The following PTPN20 variants were observed in gnomAD, a reference collection of about 807,000 sequenced individuals.
PTPN20 encodes the protein protein tyrosine phosphatase non-receptor type 20.
PTPN20 carries 9 observed loss-of-function variants against 35.0 expected under a neutral mutation model. The ratio of observed to expected loss-of-function variants is 0.26; its 90% CI spans 0.15 to 0.45. The LOEUF (loss-of-function observed/expected upper bound fraction) is 0.45, where lower values mean the gene tolerates loss of function less well. Ranked by LOEUF, PTPN20 falls within the 20% of genes least tolerant of loss-of-function variation. The probability of loss-of-function intolerance (pLI) is 1.00; values close to 1 mark genes in which losing one functional copy is unlikely to be tolerated. For synonymous variants in PTPN20, 32 were observed against 100.2 expected (o/e 0.32, Z 4.06); for missense variants, 111 against 312.5 (o/e 0.36, Z 4.86).
intron 5 of PTPN20, among the ~76,000 whole-genome samples, chr10:46,953,699 C>A (rs1264516566): frequency 7.1e-6 from 1 of 141,688 alleles, no homozygotes; most frequent in Non-Finnish European, 1.5e-5. Context: ...TGTTGATATA[C>A]CGTGAGTTAC....
chr10:46,932,669 G>C (rs1231236034), intron 2 of PTPN20, 136 bp downstream of exon 2: 8 of 1,504,444 alleles, frequency 5.3e-6, no homozygotes, highest in Admixed American at 3.4e-5. Context: ...TTGGTGGGGT[G>C]GGGTGGGGGG....
At chr10:46,998,457 A>G (rs1161485659) in intron 9 of PTPN20, among the ~76,000 whole-genome samples, 2 of 152,208 alleles carry the variant, frequency 1.3e-5, no homozygotes, top group African/African-American at 4.8e-5. Flanking sequence ...GAGAAGGAGA[A>G]CAGATTACTA....
chr10:46,945,610 G>A lies in PTPN20; in HGVS notation c.228-953G>A, dbSNP rs1297411226. Among the ~76,000 whole-genome samples, 4 of 152,220 alleles carry A rather than the reference G, an allele frequency of 2.6e-5. No homozygotes were observed. The South Asian group carries it at 6.2e-4, about 24-fold the overall frequency. ...GATATTGGTGGGCAGGTGTAATTAA[G>A]TTTGTATTTTAGGAAGAATTTTCTC... On this transcript the variant is annotated intron_variant, in intron 4 of 10. Coordinates refer to ENST00000374339, the MANE Select transcript of PTPN20 (RefSeq NM_001042357.5).
Position 47,001,930 on chromosome 10 carries a change from T to G in PTPN20, c.*1189T>G, listed in dbSNP as rs1047801115. On this transcript the variant is annotated 3_prime_UTR_variant, in exon 11 of 11. Transcript: ENST00000374339. ...ATTATAAGCTATAAAACAATAGATA[T>G]GAGTGTTTGTACAGTTTAACTCAAT... 7 of 152,246 alleles carry G rather than the reference T, an allele frequency of 4.6e-5. No homozygotes were observed. Among genetic ancestry groups the G allele is most frequent in the Non-Finnish European group, 8.8e-5 (6 of 67,984 alleles). 9.4% of individuals were successfully genotyped at this position (152,246 alleles called of 1,614,324 possible). A position where few individuals can be genotyped will look rare whatever the true frequency, so the allele number is the denominator to read the frequency against.
intron 10 of PTPN20, 54 bp downstream of exon 10, chr10:47,000,028 T>C (rs2059834101): frequency 6.2e-6 from 10 of 1,606,292 alleles, no homozygotes; most frequent in Non-Finnish European, 8.5e-6. Flanking sequence ...AAGATTAACA[T>C]TGCATAACAC....
chr10:47,001,117 T>C lies in PTPN20; in HGVS notation c.*376T>C, dbSNP rs1041388077. On this transcript the variant is annotated 3_prime_UTR_variant, in exon 11 of 11. Transcript: ENST00000374339. ...GAGAGAGCTGAGGATTTCCAGGACT[T>C]TGTAAGTTCTTATTCTGGGAGAACA... The C allele has an allele frequency of 1.8e-4, 48 of 272,970 alleles. No homozygotes were observed. The highest frequency in any genetic ancestry group is 1.1e-3 in the African/African-American group (47 of 44,502). The allele number at this position is 272,970 out of a possible 1,614,324, so 16.9% of individuals were successfully genotyped here.
chr10:46,999,376 A>G (rs1378072764), intron 9 of PTPN20, among the ~76,000 whole-genome samples: 1 of 152,116 alleles, frequency 6.6e-6, no homozygotes, highest in Non-Finnish European at 1.5e-5. Flanking sequence ...TTGCCATAAG[A>G]GTTTCTGAGC....
intron 7 of PTPN20, among the ~76,000 whole-genome samples, chr10:46,976,220 A>G (rs1479512904): frequency 1.7e-5 from 2 of 120,654 alleles, no homozygotes; most frequent in Non-Finnish European, 3.5e-5. Flanking sequence ...CAGCCTCCCA[A>G]GTAGCTGGAA....
At chr10:46,997,107 A>G (rs1240813102) in intron 9 of PTPN20, among the ~76,000 whole-genome samples, 1 of 152,160 alleles carries the variant, frequency 6.6e-6, no homozygotes, top group East Asian at 1.9e-4. Context: ...ATCCATGAAC[A>G]TGGTAAGTGT....
intron 9 of PTPN20, among the ~76,000 whole-genome samples, chr10:46,994,951 A>G (rs1482086369): frequency 6.6e-6 from 1 of 152,122 alleles, no homozygotes; most frequent in East Asian, 1.9e-4. Context: ...CAGCTCCAAG[A>G]TTTCTATTTG....
chr10:46,994,019 T>A (rs1207673614), intron 9 of PTPN20, among the ~76,000 whole-genome samples: 1 of 152,198 alleles, frequency 6.6e-6, no homozygotes, highest in Admixed American at 6.5e-5. Context: ...ATTTTGTTTA[T>A]CTGAAAAATA....
At chr10:47,003,286 G>A (rs963605210), downstream of PTPN20, among the ~76,000 whole-genome samples, 413 of 129,374 alleles carry the variant, frequency 3.2e-3, 1 homozygote, top group African/African-American at 0.012. Context: ...AAATTTGTAG[G>A]TGAAAAACAG....
In PTPN20 at chr10:46,975,403, ATAG is replaced by A. The variant is rs2053209242; in HGVS notation, c.583+7365_583+7367del. Among the ~76,000 whole-genome samples, 3 of 135,992 alleles carry A rather than the reference ATAG, an allele frequency of 2.2e-5. No individual in the cohort carries two copies. In the South Asian group the frequency reaches 8.2e-4, roughly 37 times the overall value. 89.2% of individuals were successfully genotyped at this position (135,992 alleles called of 152,430 possible). A position where few individuals can be genotyped will look rare whatever the true frequency, so the allele number is the denominator to read the frequency against. On this transcript the variant is annotated intron_variant, in intron 7 of 10. Transcript: ENST00000374339. ...CTGCTACTACCACCCACTAATAATA[ATAG>A]TAGTAGTAACACTAATATGTTTATT...
intron 9 of PTPN20, among the ~76,000 whole-genome samples, chr10:46,998,311 A>G (rs1444760254): frequency 3.3e-5 from 5 of 152,168 alleles, no homozygotes; most frequent in Admixed American, 6.5e-5. Flanking sequence ...GAAGCAAACT[A>G]TTGTTACACC....
chr10:46,977,081 A>T (rs1244690441), intron 7 of PTPN20, among the ~76,000 whole-genome samples: 1 of 152,258 alleles, frequency 6.6e-6, no homozygotes, highest in Non-Finnish European at 1.5e-5. Context: ...TAACATTTAG[A>T]TTAGCAGACT....
At chr10:46,940,423 G>A (rs2043079965) in intron 2 of PTPN20, among the ~76,000 whole-genome samples, 200 bp from the exon 3 acceptor site, 1 of 149,066 alleles carries the variant, frequency 6.7e-6, no homozygotes, top group African/African-American at 2.5e-5. Flanking sequence ...CTAGAAGAAG[G>A]ATCAGCTTTG....
intron 2 of PTPN20, among the ~76,000 whole-genome samples, chr10:46,937,617 G>A (rs1384110463): frequency 4.0e-5 from 6 of 150,232 alleles, no homozygotes; most frequent in Non-Finnish European, 7.4e-5. Context: ...TGCCTTATCT[G>A]CTGTTAATTT....
At chr10:46,998,008 T>C (rs2059446590) in intron 9 of PTPN20, among the ~76,000 whole-genome samples, 3 of 152,166 alleles carry the variant, frequency 2.0e-5, no homozygotes, top group East Asian at 1.9e-4. Context: ...GTATGAGACA[T>C]TGGGAATGTA....
At chr10:46,995,452 C>A (rs34238559) in intron 9 of PTPN20, among the ~76,000 whole-genome samples, 48,505 of 150,436 alleles carry the variant, frequency 0.32, 8,148 homozygotes, top group South Asian at 0.48. Context: ...CTGCTCATTC[C>A]AATTAGGGAA....
Sources: allele counts gnomAD v4.1 joint callset (sites outside exome capture counted in the v4.1 genomes callset), GRCh38; gene constraint gnomAD v4.1.1; transcripts MANE v1.5; gene names NCBI Gene and HGNC (gene_info 2026-07-23, HGNC 2026-07-21).